Variants in TEX9 observed in about 807,000 individuals in gnomAD.
The protein encoded by TEX9 is testis-expressed protein 9.
A neutral mutation model predicts 59.6 loss-of-function variants in TEX9; 74 were observed. The observed-to-expected ratio is 1.24, with a 90% CI of 1.03 to 1.51. The LOEUF (loss-of-function observed/expected upper bound fraction) is 1.51, where lower values mean the gene tolerates loss of function less well. Among genes scored for constraint, TEX9 ranks in the 40% most tolerant of loss-of-function variants. TEX9 has a pLI of 0.00. For missense variants in TEX9, 522 were observed against 447.8 expected (o/e 1.17, Z -1.49); for synonymous variants, 186 against 152.2 (o/e 1.22, Z -1.64).
chr15:56,390,555 T>C (rs1229575505), intron 6 of TEX9, among the ~76,000 whole-genome samples: 1 of 152,068 alleles, frequency 6.6e-6, no homozygotes, highest in Admixed American at 6.6e-5. Context: ...GAACCATAAA[T>C]TTGTTGATGT....
chr15:56,456,352 AG>A, the TEX9 span: 1 of 1,557,690 alleles, frequency 6.4e-7, no homozygotes. Context: ...AAGAGTTTAA[AG>A]ATAAAGACTA....
intron 12 of TEX9, among the ~76,000 whole-genome samples, chr15:56,440,352 CAT>C (rs1216276303): frequency 6.6e-6 from 1 of 152,158 alleles, no homozygotes; most frequent in Admixed American, 6.6e-5. Flanking sequence ...CTGCGTAACT[CAT>C]ATATTTCTGA....
rs2046511801 is a variant in TEX9, at chr15:56,348,327, T to C, written c.-106-25114T>C. On this transcript the variant is annotated intron_variant, in intron 1 of 5. Coordinates refer to the TEX9 transcript ENST00000560827. Reference sequence around the variant, plus strand: ...TTTGTTAGGGATGGAAATTGCATCATAGGAATCAGGATAATTGAGATTCCA... The same window carrying C: ...TTTGTTAGGGATGGAAATTGCATCACAGGAATCAGGATAATTGAGATTCCA... Among the ~76,000 whole-genome samples, 5 of 152,074 alleles carry C rather than the reference T, an allele frequency of 3.3e-5. No homozygotes were observed. In the South Asian group the frequency reaches 1.0e-3, roughly 31 times the overall value.
intron 1 of TEX9, among the ~76,000 whole-genome samples, chr15:56,301,746 A>C (rs1450364596): frequency 6.6e-6 from 1 of 152,188 alleles, no homozygotes; most frequent in African/African-American, 2.4e-5. Context: ...CTAGACAAAA[A>C]CTGAGGAACT....
chr15:56,443,018 G>T (rs1418723036), intron 12 of TEX9, among the ~76,000 whole-genome samples: 1 of 151,946 alleles, frequency 6.6e-6, no homozygotes, highest in Admixed American at 6.6e-5. Flanking sequence ...AGGTTCACAC[G>T]CCTTTAGGAC....
chr15:56,257,307 C>A (rs2044165623), intron 1 of TEX9, among the ~76,000 whole-genome samples: 1 of 151,864 alleles, frequency 6.6e-6, no homozygotes, highest in African/African-American at 2.4e-5. Context: ...GGGTATATAC[C>A]CAGGAATGAA....
chr15:56,254,605 C>T (rs570514420), intron 1 of TEX9, among the ~76,000 whole-genome samples: 1 of 151,402 alleles, frequency 6.6e-6, no homozygotes, highest in Non-Finnish European at 1.5e-5. Flanking sequence ...AGAGAGCTAA[C>T]AGGGATTCTT....
At chr15:56,391,763 C>T (rs1419385776) in intron 7 of TEX9, among the ~76,000 whole-genome samples, 3 of 151,864 alleles carry the variant, frequency 2.0e-5, no homozygotes, top group Non-Finnish European at 4.4e-5. Flanking sequence ...ATACCCATTG[C>T]TTATTGTTAA....
intron 10 of TEX9, chr15:56,421,559 C>G (rs1238077238): frequency 2.0e-5 from 3 of 151,702 alleles, no homozygotes; most frequent in Non-Finnish European, 4.4e-5. Context: ...TTGTCTTTTT[C>G]CATTCTTTTA....
chr15:56,351,461 C>G (rs1277651188), intron 1 of TEX9, among the ~76,000 whole-genome samples: 3 of 152,152 alleles, frequency 2.0e-5, no homozygotes, highest in African/African-American at 7.2e-5. Flanking sequence ...TGTAGTTCCA[C>G]TTGAATATAA....
chr15:56,426,026 T>C (rs1596237894), intron 10 of TEX9, among the ~76,000 whole-genome samples: 1 of 152,106 alleles, frequency 6.6e-6, no homozygotes, highest in East Asian at 1.9e-4. Flanking sequence ...TTCTCAGAGA[T>C]TTAGATGCTG....
At chr15:56,413,994 A>C (rs1342969044) in intron 10 of TEX9, among the ~76,000 whole-genome samples, 5 of 151,858 alleles carry the variant, frequency 3.3e-5, no homozygotes, top group Non-Finnish European at 5.9e-5. Flanking sequence ...AGAAGTTATT[A>C]CATGAACAAG....
chr15:56,398,549 T>C (rs1163512994), intron 9 of TEX9, among the ~76,000 whole-genome samples: 1 of 152,210 alleles, frequency 6.6e-6, no homozygotes, highest in East Asian at 1.9e-4. Context: ...TCTCAGATAA[T>C]CTTGAAACCT....
upstream of TEX9, chr15:56,365,324 G>A (rs1340181104): frequency 5.4e-6 from 7 of 1,301,890 alleles, no homozygotes; most frequent in African/African-American, 1.5e-5. Flanking sequence ...CCAGAGGCTC[G>A]CGCCGCTCGC....
intron 1 of TEX9, among the ~76,000 whole-genome samples, chr15:56,349,733 A>G (rs889679314): frequency 6.6e-6 from 1 of 150,680 alleles, no homozygotes; most frequent in Non-Finnish European, 1.5e-5. Context: ...ACATATACAC[A>G]CGTGTATATA....
intron 1 of TEX9, among the ~76,000 whole-genome samples, chr15:56,254,885 A>T (rs1173339524): frequency 6.6e-6 from 1 of 151,830 alleles, no homozygotes; most frequent in Non-Finnish European, 1.5e-5. Context: ...AAATTTAAAA[A>T]CATGATTTTT....
chr15:56,329,405 T>A (rs2046094689), intron 1 of TEX9, among the ~76,000 whole-genome samples: 1 of 152,036 alleles, frequency 6.6e-6, no homozygotes, highest in Admixed American at 6.5e-5. Context: ...ATCAAGACCA[T>A]CAAGGAAAAC....
intron 1 of TEX9, among the ~76,000 whole-genome samples, chr15:56,346,109 G>A (rs565126003): frequency 5.3e-5 from 8 of 152,216 alleles, no homozygotes; most frequent in African/African-American, 1.9e-4. Context: ...AATGTATTTT[G>A]AGATCTAACC....
At chr15:56,408,680 C>A (rs2140112382) in intron 9 of TEX9, 1 of 148,780 alleles carries the variant, frequency 6.7e-6, no homozygotes, top group South Asian at 2.2e-4. Flanking sequence ...AGGCATCACC[C>A]AATTGTTCAG....
Sources: gnomAD v4.1 joint callset for allele counts (sites outside exome capture counted in the v4.1 genomes callset) on GRCh38, gnomAD v4.1.1 for gene constraint, MANE v1.5 for transcripts, NCBI Gene and HGNC (gene_info 2026-07-23, HGNC 2026-07-21) for gene names.